IQSEC1: variants seen among roughly 807,000 people sequenced by gnomAD.
IQSEC1 encodes the protein IQ motif and SEC7 domain-containing protein 1.
In IQSEC1, 31 loss-of-function variants were observed where a neutral mutation model predicts 91.0. The observed-to-expected ratio is 0.34, with a 90% CI of 0.26 to 0.46. IQSEC1 has a LOEUF of 0.46. Among genes scored for constraint, IQSEC1 ranks in the 20% least tolerant of loss-of-function variants. IQSEC1 has a pLI of 1.00. For missense variants in IQSEC1, 1,388 were observed against 1,575.6 expected, an observed-to-expected ratio of 0.88 and a Z score of 2.02; for synonymous variants, 699 against 662.6, an observed-to-expected ratio of 1.05 and a Z score of -0.84.
Position 12,899,259 on chromosome 3 carries a change from C to T in IQSEC1, c.*1724G>A, listed in dbSNP as rs917771794. On this transcript the variant is annotated 3_prime_UTR_variant, in exon 14 of 14. Transcript: ENST00000613206. ...GGGGCTCCCCTCTCCTCCTGCCGTC[C>T]GGCCACGGCTCACCACGCTGTCCAC... is the stretch of plus-strand genomic sequence containing the variant. 3.6e-5 allele frequency: 37 copies of T among 1,025,502 alleles called. 1 individual carries two copies. The highest frequency in any genetic ancestry group is 3.0e-4 in the Middle Eastern group (1 of 3,304). The allele number at this position is 1,025,502 out of a possible 1,614,324, so 63.5% of individuals were successfully genotyped here.
At position 12,924,481 on chromosome 3, in the gene IQSEC1, A is replaced by C; in HGVS notation, c.1730+100T>G. The stretch of plus-strand genomic sequence containing the variant: ...AGGGGGGCCCACCACATGTCCCAGC[A>C]AGTAGGGTGGGCCTGGCCCTGTGTG... On this transcript the variant is annotated intron_variant, in intron 4 of 13. Coordinates refer to ENST00000613206, the MANE Select transcript of IQSEC1 (RefSeq NM_001134382.3). This position sits in a 1 kb window ranked among gnomAD's most constrained non-coding sequence, Gnocchi z 6.3. The C allele has an allele frequency of 8.0e-7, 1 of 1,248,074 alleles. No homozygotes were observed. 77.3% of individuals were successfully genotyped at this position (1,248,074 alleles called of 1,614,324 possible).
intron 1 of IQSEC1, among the ~76,000 whole-genome samples, chr3:13,024,697 C>T (rs1016632089): frequency 2.7e-5 from 4 of 149,058 alleles, no homozygotes; most frequent in Admixed American, 6.7e-5. Flanking sequence ...CATCCATCTA[C>T]CCCATCTGTC....
intron 2 of IQSEC1, among the ~76,000 whole-genome samples, chr3:12,937,879 A>G (rs1416352137): frequency 3.3e-5 from 5 of 152,146 alleles, no homozygotes; most frequent in African/African-American, 1.2e-4. Context: ...CCTCATGAGC[A>G]CCGCCATTCC....
chr3:12,993,694 G>A (rs1702096978), intron 1 of IQSEC1, among the ~76,000 whole-genome samples: 1 of 152,338 alleles, frequency 6.6e-6, no homozygotes, highest in Non-Finnish European at 1.5e-5. Context: ...GGAGGTTGGG[G>A]CTTCTGCGTC....
intron 1 of IQSEC1, among the ~76,000 whole-genome samples, chr3:13,034,110 G>A (rs369358175): frequency 4.6e-5 from 7 of 152,274 alleles, no homozygotes; most frequent in South Asian, 2.1e-4. Flanking sequence ...GGGTTACGAC[G>A]TCAGCATGTG....
intron 2 of IQSEC1, among the ~76,000 whole-genome samples, chr3:13,155,236 G>A (rs73029459): frequency 0.023 from 3,494 of 152,180 alleles, 50 homozygotes; most frequent in Non-Finnish European, 0.033. Context: ...CAAAATTGAC[G>A]ATTCACCACT....
intron 1 of IQSEC1, among the ~76,000 whole-genome samples, chr3:12,990,295 C>G (rs555974195): frequency 6.6e-6 from 1 of 152,166 alleles, no homozygotes; most frequent in Non-Finnish European, 1.5e-5. Context: ...CTCCACACAC[C>G]GATGAGGGAA....
chr3:13,105,243 G>A (rs539161735), intron 2 of IQSEC1, among the ~76,000 whole-genome samples: 1 of 152,248 alleles, frequency 6.6e-6, no homozygotes, highest in African/African-American at 2.4e-5. Flanking sequence ...AGTGGGCCCT[G>A]ATCCCCTCCC....
intron 1 of IQSEC1, among the ~76,000 whole-genome samples, chr3:13,167,532 A>T (rs1693521654): frequency 6.6e-6 from 1 of 151,966 alleles, no homozygotes; most frequent in Non-Finnish European, 1.5e-5. Context: ...CAGGTGGCCG[A>T]GGAGCTCCCC....
chr3:13,010,841 C>T (rs558052436), intron 1 of IQSEC1, among the ~76,000 whole-genome samples: 1 of 152,314 alleles, frequency 6.6e-6, no homozygotes, highest in African/African-American at 2.4e-5. Context: ...TGGCCCTCAT[C>T]CCTCCCAGAC....
At position 12,936,049 on chromosome 3, in the gene IQSEC1, C is replaced by T; in HGVS notation, c.967G>A (p.Gly323Arg). 2 of 1,604,934 alleles carry T rather than the reference C, an allele frequency of 1.2e-6. No homozygotes were observed. Among genetic ancestry groups the T allele is most frequent in the South Asian group, 1.1e-5 (1 of 91,064 alleles). ...STESDLRLRA[G>R]GAAPDYWALA... ...GCCCAGTAGTCTGGGGCTGCGCCCC[C>T]AGCCCGTAGCCGCAGGTCCGACTCG... The change falls in exon 3 of 14, where the codon GGG becomes AGG. Residue 323 changes from glycine to arginine, a missense_variant. Physicochemically the swap from Gly to Arg is moderately radical, Grantham distance 125 (BLOSUM62 -2). This residue lies in a region of IQSEC1 where 1,059 missense variants were observed against 1,317.8 expected (regional missense o/e 0.80). Coordinates refer to ENST00000613206, the MANE Select transcript of IQSEC1 (RefSeq NM_001134382.3).
chr3:12,920,737 G>GTCAGGGCCAACTCC, intron 5 of IQSEC1, 141 bp from the exon 6 acceptor site: 1 of 869,770 alleles, frequency 1.1e-6, no homozygotes. Flanking sequence ...TGTCGGAGTT[G>GTCAGGGCCAACTCC]GCCCTGACTA....
chr3:13,203,763 T>G (rs1694288929), intron 1 of IQSEC1, among the ~76,000 whole-genome samples: 1 of 152,194 alleles, frequency 6.6e-6, no homozygotes, highest in Non-Finnish European at 1.5e-5. Flanking sequence ...CCCCTGCCCA[T>G]CAGCCAGACT....
intron 1 of IQSEC1, among the ~76,000 whole-genome samples, chr3:13,010,946 G>A (rs1261258244): frequency 2.0e-5 from 3 of 152,116 alleles, no homozygotes; most frequent in African/African-American, 4.8e-5. Context: ...CTTGAGCAGT[G>A]CCTGCTCACT....
intron 3 of IQSEC1, among the ~76,000 whole-genome samples, chr3:12,933,607 C>T (rs866860410): frequency 6.6e-5 from 10 of 151,122 alleles, no homozygotes; most frequent in Admixed American, 1.3e-4. Flanking sequence ...TTCACAGATG[C>T]GGCCACTGTG....
rs1698101113 is a variant in IQSEC1 at position 12,935,635 on chromosome 3, T to C, written c.1381A>G (p.Ser461Gly). 1.2e-6 allele frequency: 2 copies of C among 1,614,130 alleles called. No homozygotes were observed. Among genetic ancestry groups the C allele is most frequent in the Non-Finnish European group, 1.7e-6 (2 of 1,180,044 alleles). Residue 461 changes from serine (S) to glycine (G), a missense_variant, in exon 3 of 14, where the codon AGC (serine) becomes GGC (glycine). This residue lies in a region of IQSEC1 where 1,059 missense variants were observed against 1,317.8 expected (regional missense o/e 0.80). Transcript: ENST00000613206. The surrounding 1 kb of genome is among the most constrained non-coding windows in gnomAD (Gnocchi z 8.0). ...ATGGTATCGTTGGAGTTGGACGTGC[T>C]GTTGATGCTGTCATTGTCACCGTCT... ...YSDGDNDSINSTSNSNDTINC... is the reference protein window; with the variant it reads ...YSDGDNDSINGTSNSNDTINC...
chr3:13,125,591 T>C (rs1356031859), intron 2 of IQSEC1, among the ~76,000 whole-genome samples: 1 of 152,224 alleles, frequency 6.6e-6, no homozygotes, highest in African/African-American at 2.4e-5. Flanking sequence ...GTGAATCCCG[T>C]ACAAATCTCT....
chr3:13,091,565 A>C (rs1380649674), intron 2 of IQSEC1, among the ~76,000 whole-genome samples: 1 of 152,048 alleles, frequency 6.6e-6, no homozygotes, highest in Non-Finnish European at 1.5e-5. Context: ...CTCCTTTGTG[A>C]CTACTGCAGG....
At position 12,901,558 on chromosome 3, in the gene IQSEC1, A is replaced by G. The variant is rs1467881373; in HGVS notation, c.2806-36T>C. ...AATTCATAGAAATCAAAATTAAAAG[A>G]TCTTCAAGCACTTAGGTCAGAATGA... On this transcript the variant is annotated intron_variant, in intron 13 of 13. Transcript: ENST00000613206. The G allele has an allele frequency of 2.7e-5, 41 of 1,499,034 alleles. No individual in the cohort carries two copies. The East Asian group carries it at 9.1e-4, about 33-fold the overall frequency. 92.9% of individuals were successfully genotyped at this position (1,499,034 alleles called of 1,614,324 possible).
Sources: gnomAD v4.1 joint callset for allele counts (sites outside exome capture counted in the v4.1 genomes callset) on GRCh38, gnomAD v4.1.1 for gene constraint, gnomAD v4.1.1 regional missense constraint, Gnocchi (gnomAD v3.1) non-coding constraint, MANE v1.5 for transcripts, NCBI Gene and HGNC (gene_info 2026-07-23, HGNC 2026-07-21) for gene names.